The following RIC3 variants were observed in gnomAD, a reference collection of about 807,000 sequenced individuals.
RIC3 encodes the protein RIC3 acetylcholine receptor chaperone.
Under a neutral mutation model 27.3 loss-of-function variants are expected in RIC3, and 28 were observed. The ratio of observed to expected loss-of-function variants is 1.02; its 90% CI spans 0.76 to 1.41. The LOEUF (loss-of-function observed/expected upper bound fraction) is 1.41, where lower values mean the gene tolerates loss of function less well. Among genes scored for constraint, RIC3 ranks in the 40% most tolerant of loss-of-function variants. RIC3 has a pLI of 0.00. For synonymous variants in RIC3, 184 were observed against 160.4 expected (o/e 1.15, Z -1.11); for missense variants, 501 against 444.7 (o/e 1.13, Z -1.14).
Position 8,117,652 on chromosome 11 carries a change from G to C in RIC3, c.671-6515C>G, listed in dbSNP as rs115025850. ...ATTATACAGACTATAGTTAATAACAGTATGTTGTATATTTGAAAATTGCTA... is the reference window on the plus strand; with the variant it reads ...ATTATACAGACTATAGTTAATAACACTATGTTGTATATTTGAAAATTGCTA... On this transcript the variant is annotated intron_variant, in intron 5 of 5. Transcript: ENST00000309737. Among the ~76,000 whole-genome samples the C allele has an allele frequency of 6.3e-3, 965 of 152,252 alleles. 12 individuals carry two copies. The highest frequency in any genetic ancestry group is 0.023 in the African/African-American group (939 of 41,540).
At chr11:8,101,400 T>G, downstream of RIC3, 3 of 1,523,058 alleles carry the variant, frequency 2.0e-6, no homozygotes, top group Non-Finnish European at 2.7e-6. Flanking sequence ...TCTTCCCTCA[T>G]GTGGTTTGGG....
chr11:8,099,352 T>C, the RIC3 span, among the ~76,000 whole-genome samples: 1 of 152,082 alleles, frequency 6.6e-6, no homozygotes, highest in African/African-American at 2.4e-5. Context: ...GGAATATAAA[T>C]ATAGGGGATT....
rs777086795 is a variant in RIC3, at chr11:8,168,921, C to G, written c.69G>C (p.Leu23=). 4.3e-6 allele frequency: 7 copies of G among 1,612,030 alleles called. No individual in the cohort carries two copies. The highest frequency in any genetic ancestry group is 5.9e-6 in the Non-Finnish European group (7 of 1,179,070). ...TCCCGCGGGACAGGAAGGCCTTGGG[C>G]AGCAGCAGCGACAGAGCCAGGACAA... The part of the protein sequence containing the change: ...SGLVLALSLL[L]PKAFLSRGKR... The change falls in exon 1 of 6, where the codon CTG becomes CTC. Residue 23 remains leucine, a synonymous_variant. Coordinates refer to ENST00000309737, the MANE Select transcript of RIC3 (RefSeq NM_001206671.4).
intron 2 of RIC3, 156 bp from the exon 3 acceptor site, chr11:8,138,503 C>G (rs182956148): frequency 2.1e-6 from 1 of 478,776 alleles, no homozygotes; most frequent in Non-Finnish European, 3.6e-6. Flanking sequence ...AAAAAAAAAA[C>G]GCCAAAAGAT....
At chr11:8,113,970 G>A (rs1407656803) in intron 5 of RIC3, among the ~76,000 whole-genome samples, 1 of 152,156 alleles carries the variant, frequency 6.6e-6, no homozygotes, top group Non-Finnish European at 1.5e-5. Flanking sequence ...CAAGATACAA[G>A]CACCAGGTCC....
chr11:8,168,718 C>T, intron 1 of RIC3, 148 bp downstream of exon 1: 1 of 1,200,354 alleles, frequency 8.3e-7, no homozygotes, highest in Non-Finnish European at 1.1e-6. Context: ...GGGCATTGGC[C>T]CTTCAACGCC....
intron 4 of RIC3, among the ~76,000 whole-genome samples, chr11:8,130,144 G>A (rs1483478255): frequency 6.6e-6 from 1 of 152,064 alleles, no homozygotes; most frequent in African/African-American, 2.4e-5. Context: ...TCCATTCATA[G>A]TGCAAAGATT....
chr11:8,165,779 TTTG>T (rs1174864909), intron 1 of RIC3, among the ~76,000 whole-genome samples: 4 of 110,790 alleles, frequency 3.6e-5, no homozygotes, highest in South Asian at 2.9e-4. Flanking sequence ...TTTTTTTTGT[TTTG>T]TTTTGTTTTT....
chr11:8,113,865 T>C (rs914345883), intron 5 of RIC3, among the ~76,000 whole-genome samples: 1 of 152,148 alleles, frequency 6.6e-6, no homozygotes, highest in South Asian at 2.1e-4. Context: ...AGGTTCATCC[T>C]AGCACCTGGC....
At chr11:8,168,789 G>C (rs1211198316) in intron 1 of RIC3, 77 bp downstream of exon 1, 3 of 1,537,912 alleles carry the variant, frequency 2.0e-6, no homozygotes, top group African/African-American at 2.8e-5. Flanking sequence ...CAGACTCTCA[G>C]AGTCACCCCT....
At chr11:8,147,764 T>G (rs918923450) in intron 1 of RIC3, among the ~76,000 whole-genome samples, 27 of 149,230 alleles carry the variant, frequency 1.8e-4, no homozygotes, top group African/African-American at 6.0e-4. Context: ...AGTCTTGCTC[T>G]GTCACCAGGC....
chr11:8,094,200 A>C, the RIC3 span: 3 of 1,607,132 alleles, frequency 1.9e-6, no homozygotes, highest in Non-Finnish European at 2.6e-6. Flanking sequence ...GTCAGCTCAC[A>C]TTCTCTACAG....
At chr11:8,151,036 T>G (rs533664944) in intron 1 of RIC3, among the ~76,000 whole-genome samples, 4 of 152,188 alleles carry the variant, frequency 2.6e-5, no homozygotes, top group Non-Finnish European at 5.9e-5. Flanking sequence ...AACTTTAAAA[T>G]CTTACAGGAA....
Position 8,122,035 on chromosome 11 carries a change from G to T in RIC3, c.670+4624C>A, listed in dbSNP as rs1590122227. 2.6e-5 allele frequency among the ~76,000 whole-genome samples: 4 copies of T among 152,280 alleles called. No homozygotes were observed. The South Asian group carries it at 8.3e-4, about 32-fold the overall frequency. ...CCTGAGTCCCAGCATGGGCAACATG[G>T]TTAAGACTCTATCCCTTTAAAAAAT... On this transcript the variant is annotated intron_variant, in intron 5 of 5. Transcript: ENST00000309737.
At chr11:8,139,814 A>G in intron 2 of RIC3, 153 bp downstream of exon 2, 1 of 684,532 alleles carries the variant, frequency 1.5e-6, no homozygotes, top group Non-Finnish European at 2.4e-6. Flanking sequence ...AATAATGGCT[A>G]TCCTAAGTAC....
downstream of RIC3, chr11:8,105,760 C>T (rs1191082738): frequency 4.6e-5 from 7 of 152,184 alleles, no homozygotes; most frequent in African/African-American, 1.4e-4. Flanking sequence ...CTAAGAAAGA[C>T]ATCACATCCC....
chr11:8,145,146 A>C (rs1949536239), intron 1 of RIC3, among the ~76,000 whole-genome samples: 1 of 149,194 alleles, frequency 6.7e-6, no homozygotes, highest in South Asian at 2.2e-4. Context: ...TAACCTGCAC[A>C]ATGTGCACAT....
chr11:8,166,156 G>A (rs1951678174), intron 1 of RIC3, among the ~76,000 whole-genome samples: 1 of 152,102 alleles, frequency 6.6e-6, no homozygotes, highest in Non-Finnish European at 1.5e-5. Context: ...TCCCTGCGCA[G>A]ACTTGAGTAA....
At chr11:8,104,049 C>T (rs1318449419), downstream of RIC3, 1 of 152,268 alleles carries the variant, frequency 6.6e-6, no homozygotes, top group East Asian at 1.9e-4. Context: ...GCTGAGTGCA[C>T]TCCTGGTGAT....
Sources: allele counts gnomAD v4.1 joint callset (sites outside exome capture counted in the v4.1 genomes callset), GRCh38; gene constraint gnomAD v4.1.1; transcripts MANE v1.5; gene names NCBI Gene and HGNC (gene_info 2026-07-23, HGNC 2026-07-21).